SCAF11: variants seen among roughly 807,000 people sequenced by gnomAD.
SCAF11 encodes the protein SR-related CTD associated factor 11, also known as protein SCAF11.
A neutral mutation model predicts 140.5 loss-of-function variants in SCAF11; 47 were observed. The ratio of observed to expected loss-of-function variants is 0.33; its 90% CI spans 0.26 to 0.43. The LOEUF is 0.43. Ranked by LOEUF, SCAF11 falls within the 20% of genes least tolerant of loss-of-function variation. The pLI is 1.00. For missense variants in SCAF11, 1,645 were observed against 1,705.1 expected, an observed-to-expected ratio of 0.96 and a Z score of 0.62; for synonymous variants, 557 against 579.4, an observed-to-expected ratio of 0.96 and a Z score of 0.55.
upstream of SCAF11, chr12:45,990,677 G>T (rs1378856965): frequency 6.1e-6 from 6 of 982,666 alleles, no homozygotes; most frequent in African/African-American, 1.7e-5. Flanking sequence ...TGACGACGGC[G>T]GCAGCCGGAC....
intron 6 of SCAF11, 28 bp downstream of exon 6, chr12:45,945,221 T>C (rs761599304): frequency 7.2e-7 from 1 of 1,385,736 alleles, no homozygotes; most frequent in South Asian, 1.2e-5. Flanking sequence ...AAAAAAAAGG[T>C]AGAATCCACA....
At chr12:45,967,472 T>G (rs979703921) in intron 1 of SCAF11, among the ~76,000 whole-genome samples, 2 of 152,084 alleles carry the variant, frequency 1.3e-5, no homozygotes, top group African/African-American at 4.8e-5. Flanking sequence ...GGCGAAACCT[T>G]GTCTCTACTA....
At chr12:45,969,700 A>T (rs192129691) in intron 1 of SCAF11, among the ~76,000 whole-genome samples, 1 of 152,364 alleles carries the variant, frequency 6.6e-6, no homozygotes, top group Admixed American at 6.5e-5. Context: ...TTACTAAATA[A>T]CAACTAAATT....
chr12:45,946,869 C>T (rs1044335941), intron 5 of SCAF11, among the ~76,000 whole-genome samples: 9 of 152,090 alleles, frequency 5.9e-5, no homozygotes, highest in African/African-American at 1.7e-4. Context: ...CATGGGTAGG[C>T]TCTTGGAGGG....
chr12:45,991,849 C>G (rs188282888), upstream of SCAF11: 6 of 1,257,940 alleles, frequency 4.8e-6, no homozygotes, highest in African/African-American at 7.7e-5. Flanking sequence ...TTGCGGCTCC[C>G]GCAGGACTAA....
rs1206894864 is a variant in SCAF11, at chr12:45,982,397, A to G, written c.-22+7956T>C. Among the ~76,000 whole-genome samples, 4 of 152,192 alleles carry G rather than the reference A, an allele frequency of 2.6e-5. No homozygotes were observed. In the East Asian group the frequency reaches 7.7e-4, roughly 29 times the overall value. On this transcript the variant is annotated intron_variant, in intron 1 of 14. Coordinates refer to ENST00000369367, the MANE Select transcript of SCAF11 (RefSeq NM_004719.3). The stretch of plus-strand genomic sequence containing the variant: ...AGGCATACAAAATAGTGCTATACGT[A>G]TATTTACATTAAAAAATCACCTATC...
rs1237771063 is a variant in SCAF11, at chr12:45,926,288, T to C, written c.3413A>G (p.Asp1138Gly). Residue 1138 changes from aspartate (D) to glycine (G), a missense_variant, in exon 11 of 15, where the codon GAT becomes GGT. Asp to Gly is a moderately conservative substitution (Grantham distance 94). Transcript: ENST00000369367. ...GGATGCAGATGTCCATCCAGATCTA[T>C]CTGCTGGTGTATCAAATGAGAACTC... The part of the protein sequence containing the change: ...EQEFSFDTPA[D>G]RSGWTSASSW... The C allele has an allele frequency of 6.2e-7, 1 of 1,614,180 alleles. No homozygotes were observed. The highest frequency in any genetic ancestry group is 1.1e-5 in the South Asian group (1 of 91,084).
intron 1 of SCAF11, among the ~76,000 whole-genome samples, chr12:45,987,136 T>A (rs2136675812): frequency 6.6e-6 from 1 of 152,270 alleles, no homozygotes; most frequent in East Asian, 1.9e-4. Context: ...CAAGGCGGGA[T>A]GATTACTTAG....
At chr12:45,961,058 G>A (rs1415282935) in intron 3 of SCAF11, 5 of 371,946 alleles carry the variant, frequency 1.3e-5, no homozygotes, top group Non-Finnish European at 2.4e-5. Flanking sequence ...TAAAAGTCAC[G>A]AATGTCTTGT....
intron 1 of SCAF11, chr12:45,975,463 C>G (rs1474058803): frequency 6.3e-6 from 1 of 159,078 alleles, no homozygotes; most frequent in South Asian, 1.9e-4. Context: ...CCTGATGCAG[C>G]TTCCGCATCA....
At chr12:45,972,585 T>C (rs1489437108) in intron 1 of SCAF11, among the ~76,000 whole-genome samples, 6 of 107,682 alleles carry the variant, frequency 5.6e-5, no homozygotes, top group Non-Finnish European at 1.1e-4. Context: ...CCCTGTCTCT[T>C]AAAAAAAAAA....
At chr12:45,941,087 G>A (rs556584522) in intron 6 of SCAF11, among the ~76,000 whole-genome samples, 41 of 152,130 alleles carry the variant, frequency 2.7e-4, no homozygotes, top group Non-Finnish European at 5.7e-4. Context: ...ATGACAACTG[G>A]AAGAAACCAT....
chr12:45,934,705 AT>A (rs1319744334), intron 6 of SCAF11, among the ~76,000 whole-genome samples, 200 bp from the exon 7 acceptor site: 5 of 152,242 alleles, frequency 3.3e-5, no homozygotes, highest in Non-Finnish European at 5.9e-5. Flanking sequence ...CAAGTAAAAT[AT>A]AAAAGGCCAC....
chr12:45,948,645 A>G, intron 4 of SCAF11, 108 bp from the exon 5 acceptor site: 1 of 685,582 alleles, frequency 1.5e-6, no homozygotes, highest in East Asian at 2.8e-5. Context: ...TGTCCAATTA[A>G]AAAGTGTAGT....
intron 1 of SCAF11, among the ~76,000 whole-genome samples, chr12:45,967,911 A>G (rs1007860620): frequency 6.6e-6 from 1 of 152,212 alleles, no homozygotes; most frequent in Admixed American, 6.5e-5. Context: ...CCAAGGATCC[A>G]CAAGTATTTT....
intron 5 of SCAF11, among the ~76,000 whole-genome samples, chr12:45,947,011 A>T (rs1320373193): frequency 6.6e-6 from 1 of 152,154 alleles, no homozygotes; most frequent in Non-Finnish European, 1.5e-5. Context: ...GTTAACATCT[A>T]AGGAGCTTAC....
At chr12:45,969,012 C>A (rs1184577732) in intron 1 of SCAF11, among the ~76,000 whole-genome samples, 1 of 152,168 alleles carries the variant, frequency 6.6e-6, no homozygotes, top group Admixed American at 6.5e-5. Flanking sequence ...ACAGGGAATT[C>A]TTCTATCAAG....
intron 1 of SCAF11, chr12:45,974,710 A>G (rs1946193215): frequency 6.3e-6 from 1 of 159,632 alleles, no homozygotes; most frequent in African/African-American, 2.4e-5. Context: ...CTTCCTCCAC[A>G]CAAGTTTTGA....
chr12:45,952,118 T>C (rs531027322), intron 3 of SCAF11, among the ~76,000 whole-genome samples: 37 of 152,216 alleles, frequency 2.4e-4, no homozygotes, highest in African/African-American at 8.2e-4. Context: ...TGACTTAATA[T>C]TTTCCCCCCA....
Sources: allele counts gnomAD v4.1 joint callset (sites outside exome capture counted in the v4.1 genomes callset), GRCh38; gene constraint gnomAD v4.1.1; transcripts MANE v1.5; gene names NCBI Gene and HGNC (gene_info 2026-07-23, HGNC 2026-07-21).